PTH1R: variants seen among roughly 807,000 people sequenced by gnomAD.
The protein encoded by PTH1R is parathyroid hormone/parathyroid hormone-related peptide receptor.
PTH1R carries 32 observed loss-of-function variants against 70.7 expected under a neutral mutation model. That is an observed-to-expected ratio of 0.45 (90% CI 0.34 to 0.61). The LOEUF (loss-of-function observed/expected upper bound fraction) is 0.61. PTH1R is among the 20% of genes least tolerant of loss of function. The pLI is 0.01. For missense variants in PTH1R, 626 were observed against 792.5 expected, an observed-to-expected ratio of 0.79 and a Z score of 2.52; for synonymous variants, 329 against 324.8, an observed-to-expected ratio of 1.01 and a Z score of -0.14.
intron 1 of PTH1R, among the ~76,000 whole-genome samples, chr3:46,880,533 G>A (rs2030486051): frequency 6.6e-6 from 1 of 151,962 alleles, no homozygotes; most frequent in Non-Finnish European, 1.5e-5. Flanking sequence ...TGAGGTCAGG[G>A]GTTCGTGACC....
intron 10 of PTH1R, among the ~76,000 whole-genome samples, chr3:46,900,459 T>C (rs2032047824): frequency 6.6e-6 from 1 of 152,130 alleles, no homozygotes; most frequent in African/African-American, 2.4e-5. Flanking sequence ...TGGGGCTCCC[T>C]TCCCAGAGGC....
At chr3:46,894,682 G>A (rs919906004) in intron 4 of PTH1R, among the ~76,000 whole-genome samples, 1 of 152,058 alleles carries the variant, frequency 6.6e-6, no homozygotes. Flanking sequence ...ACTGAGGCCC[G>A]AGGGTGGAGG....
Position 46,883,148 on chromosome 3 carries a change from A to AAAAG in PTH1R, c.-48-336_-48-333dup, listed in dbSNP as rs540920290. On this transcript the variant is annotated intron_variant, in intron 2 of 15. Transcript: ENST00000449590. This position sits in a 1 kb window ranked among gnomAD's most constrained non-coding sequence, Gnocchi z 6.4. ...AGCTCCCATTTCCCCAAAAGAAAAA[A>AAAAG]AAAGAAAGAAAGAAAGAAAGAAAGA... is the stretch of plus-strand genomic sequence containing the variant. Among the ~76,000 whole-genome samples the AAAAG allele has an allele frequency of 0.022, 3,167 of 142,204 alleles. 57 individuals are homozygous for AAAAG. The highest frequency in any genetic ancestry group is 0.047 in the African/African-American group (1,800 of 38,460). 93.3% of individuals were successfully genotyped at this position (142,204 alleles called of 152,430 possible).
Position 46,901,480 on chromosome 3 carries a change from G to T in PTH1R, c.1116G>T (p.Val372=). The change falls in exon 12 of 16, where the codon GTG becomes GTT. Residue 372 remains valine, a splice_region_variant and synonymous_variant. Coordinates refer to ENST00000449590, the MANE Select transcript of PTH1R (RefSeq NM_000316.3). This position sits in a 1 kb window ranked among gnomAD's most constrained non-coding sequence, Gnocchi z 7.3. ...AGGTGCCCATCCTGGCCTCCATTGT[G>T]GTGAGCAGGGGTGGGCTGCTGGCCA... The part of the protein sequence containing the change: ...IIQVPILASI[V]LNFILFINIV... The T allele has an allele frequency of 6.4e-7, 1 of 1,566,316 alleles. No homozygotes were observed. Among genetic ancestry groups the T allele is most frequent in the Non-Finnish European group, 8.7e-7 (1 of 1,154,756 alleles).
At chr3:46,888,346 A>C (rs1404292529) in intron 3 of PTH1R, among the ~76,000 whole-genome samples, 1 of 152,220 alleles carries the variant, frequency 6.6e-6, no homozygotes, top group Non-Finnish European at 1.5e-5. Context: ...GAAACGGCTT[A>C]TGGACAGAGC....
At position 46,901,697 on chromosome 3, in the gene PTH1R, C is replaced by T. The variant is rs2032131359; in HGVS notation, c.1117-69C>T. The T allele has an allele frequency of 2.2e-5, 34 of 1,512,316 alleles. No individual in the cohort carries two copies. The highest frequency in any genetic ancestry group is 3.4e-5 in the South Asian group (3 of 88,920). The allele number at this position is 1,512,316 out of a possible 1,614,324, so 93.7% of individuals were successfully genotyped here. On this transcript the variant is annotated intron_variant, in intron 12 of 15. Transcript: ENST00000449590. This position sits in a 1 kb window ranked among gnomAD's most constrained non-coding sequence, Gnocchi z 7.3. ...GCAGTGACAGAGCAGAGCCTATGGC[C>T]GTGGCTGCCAGGCCTTGCCCCGCCC...
chr3:46,895,903 G>A (rs1439996306), intron 5 of PTH1R, 34 bp downstream of exon 5: 3 of 1,606,700 alleles, frequency 1.9e-6, no homozygotes, highest in East Asian at 2.2e-5. Flanking sequence ...CAGCTGGCAT[G>A]GGCTTGGATC....
In PTH1R at chr3:46,883,640, TC is replaced by T; in HGVS notation, c.75+11del. The T allele has an allele frequency of 6.5e-7, 1 of 1,545,310 alleles. No individual in the cohort carries two copies. ...TCAGCTCCGCGTACGCGCTGGTGAG[TC>T]CCCCGCCGCCAACACTCCGGGACAG... On this transcript the variant is annotated splice_region_variant and intron_variant, in intron 3 of 15. Transcript: ENST00000449590. The surrounding 1 kb of genome is among the most constrained non-coding windows in gnomAD (Gnocchi z 6.4).
chr3:46,888,984 C>T (rs776762145), intron 3 of PTH1R, among the ~76,000 whole-genome samples: 4 of 152,194 alleles, frequency 2.6e-5, no homozygotes, highest in Non-Finnish European at 5.9e-5. Flanking sequence ...CACTTGTCAG[C>T]GGTGGCGGGG....
At position 46,903,545 on chromosome 3, in the gene PTH1R, T is replaced by C; in HGVS notation, c.1671T>C (p.Ala557=). ...TLETTPPAMA[A]PKDDGFLNGS... is the part of the protein sequence containing the mutation. ...AGACCACACCACCTGCCATGGCTGCTCCCAAGGACGATGGGTTCCTCAACG... is the reference window on the plus strand; with the variant it reads ...AGACCACACCACCTGCCATGGCTGCCCCCAAGGACGATGGGTTCCTCAACG... The change falls in exon 16 of 16, where the codon GCT becomes GCC. Residue 557 remains alanine (A), a synonymous_variant. Transcript: ENST00000449590. The surrounding 1 kb of genome is among the most constrained non-coding windows in gnomAD (Gnocchi z 4.4). 1 of 1,613,786 alleles carries C rather than the reference T, an allele frequency of 6.2e-7. No individual in the cohort carries two copies. The highest frequency in any genetic ancestry group is 1.3e-5 in the African/African-American group (1 of 74,980).
At chr3:46,900,974 C>G in intron 10 of PTH1R, 51 bp from the exon 11 acceptor site, 1 of 1,548,654 alleles carries the variant, frequency 6.5e-7, no homozygotes, top group South Asian at 1.2e-5. Context: ...GGGGAATGAC[C>G]TTGTGGACAG....
chr3:46,898,612 C>G (rs200796992), intron 8 of PTH1R, 50 bp from the exon 9 acceptor site: 1 of 1,607,152 alleles, frequency 6.2e-7, no homozygotes, highest in Non-Finnish European at 8.5e-7. Context: ...CCTGTCCACC[C>G]ACCGCGCGTC....
At chr3:46,898,640 G>C (rs200157274) in intron 8 of PTH1R, 22 bp from the exon 9 acceptor site, 59 of 1,610,670 alleles carry the variant, frequency 3.7e-5, no homozygotes, top group Non-Finnish European at 4.8e-5. Flanking sequence ...CCCCACCCAC[G>C]GTCATGTCGC....
chr3:46,885,398 G>C (rs542235952), intron 3 of PTH1R, among the ~76,000 whole-genome samples: 1 of 152,116 alleles, frequency 6.6e-6, no homozygotes, highest in Non-Finnish European at 1.5e-5. Context: ...AGCAATTCAC[G>C]TACATTAGCT....
Position 46,902,521 on chromosome 3 carries a change from C to G in PTH1R, c.1212-5C>G, listed in dbSNP as rs762589015. 6 of 1,610,220 alleles carry G rather than the reference C, an allele frequency of 3.7e-6. No homozygotes were observed. Among genetic ancestry groups the G allele is most frequent in the Non-Finnish European group, 4.2e-6 (5 of 1,179,076 alleles). On this transcript the variant is annotated splice_polypyrimidine_tract_variant and splice_region_variant and intron_variant, in intron 13 of 15. Coordinates refer to ENST00000449590, the MANE Select transcript of PTH1R (RefSeq NM_000316.3). The surrounding 1 kb of genome is among the most constrained non-coding windows in gnomAD (Gnocchi z 5.4). ...GGCCCTGACCTACCTGCCCCGCTGG[C>G]CCAGGAAGCTGCTCAAATCCACGCT...
chr3:46,892,702 T>C lies in PTH1R; in HGVS notation c.76-1205T>C. On this transcript the variant is annotated intron_variant, in intron 3 of 15. Coordinates refer to ENST00000449590, the MANE Select transcript of PTH1R (RefSeq NM_000316.3). This position sits in a 1 kb window ranked among gnomAD's most constrained non-coding sequence, Gnocchi z 5.2. Reference sequence around the variant, plus strand: ...CCCGCCTTCTTCCTCCCCTGCCTCCTCTGGGTCCTCCCGCCCTTCACAGCC... The same window carrying C: ...CCCGCCTTCTTCCTCCCCTGCCTCCCCTGGGTCCTCCCGCCCTTCACAGCC... 1 of 983,386 alleles carries C rather than the reference T, an allele frequency of 1.0e-6. No homozygotes were observed. The highest frequency in any genetic ancestry group is 1.2e-6 in the Non-Finnish European group (1 of 827,946). 60.9% of individuals were successfully genotyped at this position (983,386 alleles called of 1,614,324 possible). A position where few individuals can be genotyped will look rare whatever the true frequency, so the allele number is the denominator to read the frequency against.
chr3:46,890,976 G>T (rs1283121700), intron 3 of PTH1R, among the ~76,000 whole-genome samples: 1 of 152,196 alleles, frequency 6.6e-6, no homozygotes, highest in Non-Finnish European at 1.5e-5. Context: ...CAGGAGTGGG[G>T]GCATTCCAGG....
chr3:46,895,643 T>C (rs2031705983), intron 4 of PTH1R, 92 bp from the exon 5 acceptor site: 2 of 1,594,582 alleles, frequency 1.3e-6, no homozygotes, highest in Non-Finnish European at 1.7e-6. Context: ...AACCCCCCCA[T>C]TGTACAAAGG....
chr3:46,898,080 C>A lies in PTH1R; in HGVS notation c.431C>A (p.Ala144Asp). The A allele has an allele frequency of 6.2e-7, 1 of 1,614,176 alleles. No individual in the cohort carries two copies. Among genetic ancestry groups the A allele is most frequent in the Non-Finnish European group, 8.5e-7 (1 of 1,180,014 alleles). ...YIYDFNHKGH[A>D]YRRCDRNGSW... ...ACCTCCCATGGACCTGCAGGCCATG[C>A]CTACCGACGCTGTGACCGCAATGGC... The change falls in exon 7 of 16, where the codon GCC (alanine) becomes GAC (aspartate). Residue 144 changes from alanine to aspartate, a missense_variant. Around this residue, in one of 3 missense-constraint regions of PTH1R, gnomAD observed 495 missense variants for 638.7 expected, o/e 0.77. Transcript: ENST00000449590.
Sources: gnomAD v4.1 joint callset for allele counts (sites outside exome capture counted in the v4.1 genomes callset) on GRCh38, gnomAD v4.1.1 for gene constraint, gnomAD v4.1.1 regional missense constraint, Gnocchi (gnomAD v3.1) non-coding constraint, MANE v1.5 for transcripts, NCBI Gene and HGNC (gene_info 2026-07-23, HGNC 2026-07-21) for gene names.